The following PDE1C variants were observed in gnomAD, a reference collection of about 807,000 sequenced individuals.
PDE1C encodes dual specificity calcium/calmodulin-dependent 3',5'-cyclic nucleotide phosphodiesterase 1C.
PDE1C carries 62 observed loss-of-function variants against 93.1 expected under a neutral mutation model. That is an observed-to-expected ratio of 0.67 (90% CI 0.54 to 0.82). PDE1C has a LOEUF of 0.82. PDE1C is among the 40% of genes least tolerant of loss of function. The pLI, the probability that PDE1C is intolerant of heterozygous loss-of-function variation, is 0.00. For synonymous variants in PDE1C, 325 were observed against 310.1 expected, an observed-to-expected ratio of 1.05 and a Z score of -0.50; for missense variants, 742 against 884.6, an observed-to-expected ratio of 0.84 and a Z score of 2.04.
At chr7:32,062,635 AGCTCCCT>A (rs1794946064) in intron 1 of PDE1C, among the ~76,000 whole-genome samples, 2 of 152,162 alleles carry the variant, frequency 1.3e-5, no homozygotes, top group Admixed American at 6.5e-5. Flanking sequence ...ATGTTTTCAC[AGCTCCCT>A]GTGCTGGACT....
At chr7:32,219,660 G>A (rs1200986149) in intron 1 of PDE1C, among the ~76,000 whole-genome samples, 3 of 152,162 alleles carry the variant, frequency 2.0e-5, no homozygotes, top group Non-Finnish European at 2.9e-5. Flanking sequence ...TACCCTGGTG[G>A]CCACCATAAG....
intron 3 of PDE1C, among the ~76,000 whole-genome samples, chr7:32,147,272 A>AAGAAAGAAGGAAAG (rs3078680): frequency 2.1e-5 from 2 of 96,694 alleles, no homozygotes; most frequent in Non-Finnish European, 4.4e-5. Flanking sequence ...AAGAAAGAAA[A>AAGAAAGAAGGAAAG]AAAGAAAGAA....
intron 2 of PDE1C, among the ~76,000 whole-genome samples, chr7:31,888,199 G>A (rs536729882): frequency 6.7e-5 from 9 of 133,482 alleles, no homozygotes; most frequent in African/African-American, 1.7e-4. Flanking sequence ...GCAGTGAGCC[G>A]AGATTGTGCC....
chr7:32,296,195 T>C (rs1812602099), intron 1 of PDE1C, among the ~76,000 whole-genome samples: 1 of 152,238 alleles, frequency 6.6e-6, no homozygotes, highest in African/African-American at 2.4e-5. Context: ...TTTTTTATTA[T>C]TGTATTTTCT....
At chr7:32,080,479 G>T (rs1255775434) in intron 3 of PDE1C, among the ~76,000 whole-genome samples, 1 of 152,228 alleles carries the variant, frequency 6.6e-6, no homozygotes, top group African/African-American at 2.4e-5. Context: ...TAGACCTGAA[G>T]ATGTGGAGCT....
intron 2 of PDE1C, among the ~76,000 whole-genome samples, chr7:31,910,859 A>G (rs186147097): frequency 6.6e-6 from 1 of 152,314 alleles, no homozygotes; most frequent in Admixed American, 6.5e-5. Context: ...GGCCCACGTA[A>G]ACACCAGAAG....
At chr7:31,988,014 T>C (rs776318721) in intron 2 of PDE1C, among the ~76,000 whole-genome samples, 12 of 152,046 alleles carry the variant, frequency 7.9e-5, no homozygotes, top group South Asian at 2.1e-4. Context: ...GATCAGAAAG[T>C]AGAAAGGGAA....
chr7:31,921,807 CT>C (rs560241972), intron 2 of PDE1C, among the ~76,000 whole-genome samples: 33 of 152,182 alleles, frequency 2.2e-4, no homozygotes, highest in African/African-American at 7.0e-4. Flanking sequence ...TTATTAATAA[CT>C]TTTTTTAGCA....
At chr7:32,334,102 A>G (rs957904047) in intron 1 of PDE1C, among the ~76,000 whole-genome samples, 4 of 152,214 alleles carry the variant, frequency 2.6e-5, no homozygotes, top group Admixed American at 6.5e-5. Context: ...AAGAAGTCTC[A>G]AAAAGAAAAT....
At chr7:31,698,604 G>A in the PDE1C span, among the ~76,000 whole-genome samples, 8 of 152,196 alleles carry the variant, frequency 5.3e-5, no homozygotes, top group Non-Finnish European at 1.0e-4. Flanking sequence ...TCTTCAAACT[G>A]TCTTCATTCT....
chr7:32,090,099 AAGGGAGCTTGGATTAAATACTAC>A (rs1462885185), intron 3 of PDE1C, among the ~76,000 whole-genome samples: 1 of 152,240 alleles, frequency 6.6e-6, no homozygotes, highest in African/African-American at 2.4e-5. Flanking sequence ...AAATGAAGAC[AAGGGAGCTTGGATTAAATACTAC>A]ACAGCTGAAA....
intron 2 of PDE1C, among the ~76,000 whole-genome samples, chr7:31,992,863 G>T (rs150507554): frequency 2.0e-5 from 3 of 152,274 alleles, no homozygotes; most frequent in Middle Eastern, 6.8e-3. Flanking sequence ...TTGGGTGGAA[G>T]ACACTGCATA....
chr7:32,310,565 G>A (rs897676177), intron 1 of PDE1C, among the ~76,000 whole-genome samples: 4 of 152,172 alleles, frequency 2.6e-5, no homozygotes, highest in African/African-American at 9.7e-5. Flanking sequence ...TCAGACCACA[G>A]TGCAATCAAA....
At chr7:32,286,035 G>A (rs1011216557) in intron 1 of PDE1C, among the ~76,000 whole-genome samples, 4 of 152,128 alleles carry the variant, frequency 2.6e-5, no homozygotes, top group African/African-American at 9.7e-5. Flanking sequence ...ATACTTGCAG[G>A]GAGGTCAGTA....
At chr7:31,736,720 T>C in the PDE1C span, among the ~76,000 whole-genome samples, 1 of 152,330 alleles carries the variant, frequency 6.6e-6, no homozygotes, top group African/African-American at 2.4e-5. Context: ...AAATGTTTTT[T>C]TCTCACAGAT....
At chr7:31,932,743 C>T (rs1365311575) in intron 2 of PDE1C, among the ~76,000 whole-genome samples, 1 of 151,842 alleles carries the variant, frequency 6.6e-6, no homozygotes, top group Non-Finnish European at 1.5e-5. Flanking sequence ...ATAAGTCATT[C>T]TACCATAAAG....
At chr7:31,921,356 T>A (rs2128959289) in intron 2 of PDE1C, among the ~76,000 whole-genome samples, 1 of 152,314 alleles carries the variant, frequency 6.6e-6, no homozygotes, top group South Asian at 2.1e-4. Flanking sequence ...TTAGCGATTC[T>A]GAAAGGAGTT....
chr7:31,929,524 C>T (rs1428730266), intron 2 of PDE1C, among the ~76,000 whole-genome samples: 2 of 152,106 alleles, frequency 1.3e-5, no homozygotes, highest in Non-Finnish European at 2.9e-5. Context: ...CTAAAATCGA[C>T]CATATATTTG....
chr7:31,901,871 A>C (rs1008017059), intron 2 of PDE1C, among the ~76,000 whole-genome samples: 1 of 151,692 alleles, frequency 6.6e-6, no homozygotes, highest in Admixed American at 6.6e-5. Context: ...AAAAGTCTGA[A>C]TTATTGAACA....
Sources: gnomAD v4.1 joint callset for allele counts (sites outside exome capture counted in the v4.1 genomes callset) on GRCh38, gnomAD v4.1.1 for gene constraint, MANE v1.5 for transcripts, NCBI Gene and HGNC (gene_info 2026-07-23, HGNC 2026-07-21) for gene names.